The following CAMK1 variants were observed in gnomAD, a reference collection of about 807,000 sequenced individuals.
CAMK1 encodes the protein calcium/calmodulin dependent protein kinase I.
CAMK1 carries 39 observed loss-of-function variants against 49.1 expected under a neutral mutation model. The ratio of observed to expected loss-of-function variants is 0.79; its 90% CI spans 0.62 to 1.04. The LOEUF is 1.04. CAMK1 is among the 50% of genes least tolerant of loss of function. CAMK1 has a pLI of 0.00. For synonymous variants in CAMK1, 192 were observed against 185.2 expected (o/e 1.04, Z -0.30); for missense variants, 457 against 472.2 (o/e 0.97, Z 0.30).
intron 2 of CAMK1, 132 bp downstream of exon 2, chr3:9,767,535 G>T: frequency 1.7e-6 from 2 of 1,155,270 alleles, no homozygotes; most frequent in Non-Finnish European, 2.5e-6. Context: ...GCTGGGGACA[G>T]TTTAGGCCCT....
In CAMK1 at chr3:9,757,982, G is replaced by A. The variant is rs2077665525; in HGVS notation, c.913-136C>T. ...GAGTTATTTTATTAATTCCCCTAAAGCCCCCCAAAAACCTCTACAAGGCTT... is the reference window on the plus strand; with the variant it reads ...GAGTTATTTTATTAATTCCCCTAAAACCCCCCAAAAACCTCTACAAGGCTT... On this transcript the variant is annotated intron_variant, in intron 10 of 11. Transcript: ENST00000256460. The surrounding 1 kb of genome is among the most constrained non-coding windows in gnomAD (Gnocchi z 4.5). The A allele has an allele frequency of 7.0e-7, 1 of 1,425,978 alleles. No homozygotes were observed. The allele number at this position is 1,425,978 out of a possible 1,614,324, so 88.3% of individuals were successfully genotyped here.
intron 2 of CAMK1, 192 bp from the exon 3 acceptor site, chr3:9,766,082 C>G: frequency 6.5e-7 from 1 of 1,535,044 alleles, no homozygotes; most frequent in Non-Finnish European, 8.9e-7. Flanking sequence ...AGTAGTCTCT[C>G]CCCTGGCCAC....
intron 2 of CAMK1, chr3:9,766,291 G>A: frequency 1.4e-6 from 1 of 700,818 alleles, no homozygotes; most frequent in Non-Finnish European, 2.6e-6. Context: ...ACATTATGTG[G>A]CCCTCTGGAT....
At position 9,763,116 on chromosome 3, in the gene CAMK1, A is replaced by G. The variant is rs1196698521; in HGVS notation, c.290+23T>C. 1.9e-6 allele frequency: 3 copies of G among 1,614,154 alleles called. No homozygotes were observed. In the South Asian group the frequency reaches 3.3e-5, roughly 18 times the overall value. Reference sequence around the variant, plus strand: ...GGACAGCTGGGAGAGGTGTGGGGGCAGGGCAGAGGTTGGGCCACTCACAGC... The same window carrying G: ...GGACAGCTGGGAGAGGTGTGGGGGCGGGGCAGAGGTTGGGCCACTCACAGC... On this transcript the variant is annotated intron_variant, in intron 4 of 11. Transcript: ENST00000256460.
At position 9,763,036 on chromosome 3, in the gene CAMK1, G is replaced by A; in HGVS notation, c.307C>T (p.Leu103Phe). The A allele has an allele frequency of 1.2e-6, 2 of 1,614,102 alleles. No homozygotes were observed. Among genetic ancestry groups the A allele is most frequent in the Non-Finnish European group, 1.7e-6 (2 of 1,180,012 alleles). Residue 103 changes from leucine to phenylalanine, a missense_variant, in exon 5 of 12, where the codon CTC (leucine) becomes TTC (phenylalanine). By Grantham distance (22) the Leu-to-Phe change is conservative. Transcript: ENST00000256460. ...LIMQLVSGGELFDRIVEKGFY... is the reference protein window; with the variant it reads ...LIMQLVSGGEFFDRIVEKGFY... ...CCTTTTTCCACAATACGGTCAAAGAGCTCCCCACCCGACACCCTGCAGCAG... is the reference window on the plus strand; with the variant it reads ...CCTTTTTCCACAATACGGTCAAAGAACTCCCCACCCGACACCCTGCAGCAG...
At chr3:9,764,624 T>G (rs1382241774) in intron 3 of CAMK1, among the ~76,000 whole-genome samples, 28 of 129,766 alleles carry the variant, frequency 2.2e-4, no homozygotes, top group African/African-American at 7.6e-4. Flanking sequence ...TTTGTTTTTT[T>G]TTTGTTTTTT....
chr3:9,764,378 T>C (rs1234605261), intron 3 of CAMK1, among the ~76,000 whole-genome samples: 2 of 152,094 alleles, frequency 1.3e-5, no homozygotes, highest in Non-Finnish European at 2.9e-5. Context: ...AATGGCATGA[T>C]CTTGGCTCAT....
chr3:9,764,026 T>C (rs80189673), intron 3 of CAMK1, among the ~76,000 whole-genome samples: 6,064 of 152,210 alleles, frequency 0.04, 425 homozygotes, highest in African/African-American at 0.14. Flanking sequence ...GTTTACATGT[T>C]TGTCAGCCTC....
In CAMK1 at chr3:9,763,169, C is replaced by A; in HGVS notation, c.260G>T (p.Ser87Ile). ...NIVALDDIYE[S>I]GGHLYLIMQL... Reference sequence around the variant, plus strand: ...CATGATGAGGTAGAGGTGGCCCCCACTCTCATAGATGTCATCCAGGGCTAC... The same window carrying A: ...CATGATGAGGTAGAGGTGGCCCCCAATCTCATAGATGTCATCCAGGGCTAC... The change falls in exon 4 of 12, where the codon AGT becomes ATT. Residue 87 changes from serine (S) to isoleucine (I), a missense_variant. Ser to Ile is a moderately radical substitution (Grantham distance 142). Coordinates refer to ENST00000256460, the MANE Select transcript of CAMK1 (RefSeq NM_003656.5). The A allele has an allele frequency of 6.2e-7, 1 of 1,614,090 alleles. No homozygotes were observed. Among genetic ancestry groups the A allele is most frequent in the Non-Finnish European group, 8.5e-7 (1 of 1,180,018 alleles).
chr3:9,767,498 C>A (rs899593093), intron 2 of CAMK1, among the ~76,000 whole-genome samples, 169 bp downstream of exon 2: 2 of 152,198 alleles, frequency 1.3e-5, no homozygotes, highest in East Asian at 3.8e-4. Flanking sequence ...AGCCCGTGTC[C>A]CACCCACTGT....
chr3:9,767,395 C>T (rs2078183622), intron 2 of CAMK1, among the ~76,000 whole-genome samples: 1 of 152,236 alleles, frequency 6.6e-6, no homozygotes, highest in African/African-American at 2.4e-5. Context: ...TAGGCTAGAA[C>T]ACTTAGCTCT....
chr3:9,769,650 C>G (rs2125601818), intron 1 of CAMK1, among the ~76,000 whole-genome samples, 182 bp downstream of exon 1: 1 of 152,332 alleles, frequency 6.6e-6, no homozygotes, highest in South Asian at 2.1e-4. Context: ...TCCCATAGGC[C>G]CGCCTGGCAC....
chr3:9,765,387 A>C (rs2078107751), intron 3 of CAMK1, among the ~76,000 whole-genome samples: 2 of 152,170 alleles, frequency 1.3e-5, no homozygotes, highest in African/African-American at 4.8e-5. Context: ...GTCAGCAGAC[A>C]GTCATTTTTA....
Position 9,757,852 on chromosome 3 carries a change from A to G in CAMK1, c.913-6T>C, listed in dbSNP as rs761141321. ...GCCGTGGCATTGAAGGCTTGCTGGC[A>G]TTGAAGGCATTGAAGGGAGAGGGGA... is the stretch of plus-strand genomic sequence containing the variant. On this transcript the variant is annotated splice_region_variant and splice_polypyrimidine_tract_variant and intron_variant, in intron 10 of 11. Transcript: ENST00000256460. The surrounding 1 kb of genome is among the most constrained non-coding windows in gnomAD (Gnocchi z 4.5). 1 of 1,597,104 alleles carries G rather than the reference A, an allele frequency of 6.3e-7. No individual in the cohort carries two copies. The highest frequency in any genetic ancestry group is 1.1e-5 in the South Asian group (1 of 90,126).
intron 7 of CAMK1, 101 bp downstream of exon 7, chr3:9,761,360 G>T: frequency 8.4e-7 from 1 of 1,193,392 alleles, no homozygotes; most frequent in Non-Finnish European, 1.2e-6. Context: ...GGGAGGGAGG[G>T]AAGGAAGGGA....
chr3:9,761,827 C>T, intron 5 of CAMK1, 70 bp from the exon 6 acceptor site: 1 of 1,576,102 alleles, frequency 6.3e-7, no homozygotes, highest in South Asian at 1.2e-5. Context: ...TTCTGCCGCT[C>T]CAAGCACCTT....
intron 2 of CAMK1, 82 bp from the exon 3 acceptor site, chr3:9,765,972 G>A (rs1294579168): frequency 5.6e-6 from 9 of 1,613,984 alleles, no homozygotes; most frequent in Non-Finnish European, 6.8e-6. Context: ...TATGGGTTCT[G>A]TGACCACTGC....
intron 3 of CAMK1, 131 bp from the exon 4 acceptor site, chr3:9,763,344 G>C (rs1575244189): frequency 2.0e-6 from 2 of 980,256 alleles, no homozygotes; most frequent in South Asian, 3.0e-5. Context: ...AGTCTGTTAT[G>C]ATTGCACCTG....
chr3:9,764,628 G>GTTTTTTTTTTTTTTTTT (rs55972033), intron 3 of CAMK1, among the ~76,000 whole-genome samples: 2 of 92,336 alleles, frequency 2.2e-5, no homozygotes, highest in Non-Finnish European at 4.1e-5. Context: ...TTTTTTTTTT[G>GTTTTTTTTTTTTTTTTT]TTTTTTTTTT....
Sources: gnomAD v4.1 joint callset for allele counts (sites outside exome capture counted in the v4.1 genomes callset) on GRCh38, gnomAD v4.1.1 for gene constraint, Gnocchi (gnomAD v3.1) non-coding constraint, MANE v1.5 for transcripts, NCBI Gene and HGNC (gene_info 2026-07-23, HGNC 2026-07-21) for gene names.